CADPS: variants seen among roughly 807,000 people sequenced by gnomAD.
CADPS encodes the protein calcium dependent secretion activator.
In CADPS, 57 loss-of-function variants were observed where a neutral mutation model predicts 167.3. That is an observed-to-expected ratio of 0.34 (90% confidence interval 0.28 to 0.42). CADPS has a LOEUF of 0.42. Ranked by LOEUF, CADPS falls within the 20% of genes least tolerant of loss-of-function variation. The pLI is 1.00. For synonymous variants in CADPS, 676 were observed against 635.3 expected, an observed-to-expected ratio of 1.06 and a Z score of -0.96; for missense variants, 1,414 against 1,738.1, an observed-to-expected ratio of 0.81 and a Z score of 3.32.
Position 62,420,896 on chromosome 3 carries a change from A to T in CADPS, c.3777+17208T>A, listed in dbSNP as rs867857704. Among the ~76,000 whole-genome samples the T allele has an allele frequency of 8.2e-6, 1 of 121,516 alleles. No individual in the cohort carries two copies. The highest frequency in any genetic ancestry group is 3.8e-5 in the African/African-American group (1 of 26,012). The allele number at this position is 121,516 out of a possible 152,430, so 79.7% of individuals were successfully genotyped here. On this transcript the variant is annotated intron_variant, in intron 28 of 29. Transcript: ENST00000383710. The surrounding 1 kb of genome is among the most constrained non-coding windows in gnomAD (Gnocchi z 4.1). ...CACACACACACACACACACACACAC[A>T]CACACAGGCACACACACACACACTT...
At chr3:62,570,331 A>G (rs1239282943) in intron 9 of CADPS, among the ~76,000 whole-genome samples, 3 of 152,204 alleles carry the variant, frequency 2.0e-5, no homozygotes, top group Admixed American at 2.0e-4. Context: ...AGCACCAGGC[A>G]CCAAGAAGAG....
At chr3:62,489,407 G>T (rs572669273) in intron 21 of CADPS, among the ~76,000 whole-genome samples, 19 of 152,282 alleles carry the variant, frequency 1.2e-4, no homozygotes, top group African/African-American at 4.6e-4. Context: ...TGATCCACCC[G>T]CCTCGGCCTC....
intron 1 of CADPS, among the ~76,000 whole-genome samples, chr3:62,833,151 C>T (rs903189064): frequency 6.6e-6 from 1 of 151,976 alleles, no homozygotes; most frequent in African/African-American, 2.4e-5. Context: ...TACTTTTCTA[C>T]TATTCTTTGA....
intron 1 of CADPS, among the ~76,000 whole-genome samples, chr3:62,780,417 A>C (rs1043774558): frequency 6.6e-6 from 1 of 152,316 alleles, no homozygotes; most frequent in South Asian, 2.1e-4. Context: ...CATTTCAAAA[A>C]AATAAATAAA....
intron 28 of CADPS, among the ~76,000 whole-genome samples, chr3:62,416,536 A>T (rs2050094232): frequency 6.6e-6 from 1 of 152,162 alleles, no homozygotes; most frequent in South Asian, 2.1e-4. Flanking sequence ...GGGCCTTTTC[A>T]CCTTTTGAAT....
chr3:62,566,491 C>T (rs1384855143), intron 9 of CADPS, among the ~76,000 whole-genome samples: 2 of 152,174 alleles, frequency 1.3e-5, no homozygotes, highest in African/African-American at 4.8e-5. Context: ...AACTTTCCTC[C>T]TGCAGCTCTG....
chr3:62,404,948 T>C (rs1707877383), intron 28 of CADPS: 1 of 152,060 alleles, frequency 6.6e-6, no homozygotes, highest in Non-Finnish European at 1.5e-5. Flanking sequence ...TGGCACCTCC[T>C]GCCTTGGGAT....
chr3:62,767,462 T>C (rs1020242916), intron 1 of CADPS, among the ~76,000 whole-genome samples: 2 of 152,220 alleles, frequency 1.3e-5, no homozygotes, highest in Non-Finnish European at 2.9e-5. Context: ...ACGAGTTCTT[T>C]TAAAAAATTA....
chr3:62,706,879 T>G (rs183948394), intron 3 of CADPS, among the ~76,000 whole-genome samples: 1 of 152,236 alleles, frequency 6.6e-6, no homozygotes, highest in East Asian at 1.9e-4. Flanking sequence ...GATGAGAAAC[T>G]ACTTAATGGG....
intron 11 of CADPS, among the ~76,000 whole-genome samples, chr3:62,548,760 T>G (rs17639063): frequency 0.06 from 9,205 of 152,298 alleles, 327 homozygotes; most frequent in African/African-American, 0.099. Flanking sequence ...CAGCTGCAAT[T>G]CTCTTTCCTC....
At chr3:62,770,319 A>G (rs1008207699) in intron 1 of CADPS, among the ~76,000 whole-genome samples, 1 of 152,224 alleles carries the variant, frequency 6.6e-6, no homozygotes, top group Non-Finnish European at 1.5e-5. Flanking sequence ...CTGCACAGTC[A>G]TTATCACAGT....
At chr3:62,788,033 T>C (rs2092619609) in intron 1 of CADPS, among the ~76,000 whole-genome samples, 1 of 152,208 alleles carries the variant, frequency 6.6e-6, no homozygotes, top group African/African-American at 2.4e-5. Context: ...CTCACAGTTG[T>C]ATAAAAAATG....
chr3:62,758,103 C>T (rs2084447058), intron 2 of CADPS, among the ~76,000 whole-genome samples: 1 of 152,144 alleles, frequency 6.6e-6, no homozygotes, highest in Non-Finnish European at 1.5e-5. Context: ...CTTCACTAGC[C>T]CCTTCCTTTG....
chr3:62,496,077 T>TC (rs61110596), intron 18 of CADPS, among the ~76,000 whole-genome samples: 7 of 151,080 alleles, frequency 4.6e-5, no homozygotes, highest in African/African-American at 7.3e-5. Flanking sequence ...TCTTTTCTTT[T>TC]TTTTTTTTTT....
intron 21 of CADPS, among the ~76,000 whole-genome samples, chr3:62,484,041 T>C (rs1156602488): frequency 6.6e-6 from 1 of 152,138 alleles, no homozygotes; most frequent in African/African-American, 2.4e-5. Context: ...AAGCTTCATT[T>C]TGCACACAAA....
intron 3 of CADPS, among the ~76,000 whole-genome samples, chr3:62,669,060 T>C (rs2150708694): frequency 6.6e-6 from 1 of 152,324 alleles, no homozygotes; most frequent in South Asian, 2.1e-4. Flanking sequence ...GATTAAAGCG[T>C]TCCTTATTCT....
rs1313029806 is a variant in CADPS, at chr3:62,417,273, ACTCTTTTTTT to A, written c.3778-14098_3778-14089del. Among the ~76,000 whole-genome samples the A allele has an allele frequency of 1.4e-4, 7 of 51,512 alleles. No individual in the cohort carries two copies. In the East Asian group the frequency reaches 2.1e-3, roughly 15 times the overall value. The allele number at this position is 51,512 out of a possible 152,430, so 33.8% of individuals were successfully genotyped here. A position where few individuals can be genotyped will look rare whatever the true frequency, so the allele number is the denominator to read the frequency against. On this transcript the variant is annotated intron_variant, in intron 28 of 29. Transcript: ENST00000383710. ...TTAACACAATAACTATTTTTCTTTT[ACTCTTTTTTT>A]TTTTTTTTTTTTTTTTTTTTTGAGA... is the stretch of plus-strand genomic sequence containing the variant.
intron 28 of CADPS, among the ~76,000 whole-genome samples, chr3:62,437,652 T>C (rs1189242510): frequency 3.3e-5 from 5 of 152,136 alleles, no homozygotes; most frequent in Admixed American, 3.3e-4. Flanking sequence ...TTTGAAGTGA[T>C]AACGATGCGA....
intron 3 of CADPS, among the ~76,000 whole-genome samples, chr3:62,698,227 C>T (rs1239229525): frequency 6.6e-6 from 1 of 152,074 alleles, no homozygotes; most frequent in South Asian, 2.1e-4. Flanking sequence ...AATAAATGCT[C>T]TAAAATGTTT....
Sources: allele counts gnomAD v4.1 joint callset (sites outside exome capture counted in the v4.1 genomes callset), GRCh38; gene constraint gnomAD v4.1.1; non-coding constraint Gnocchi (gnomAD v3.1); transcripts MANE v1.5; gene names NCBI Gene and HGNC (gene_info 2026-07-23, HGNC 2026-07-21).